Variants in SHPRH observed in about 807,000 individuals in gnomAD.
The protein encoded by SHPRH is E3 ubiquitin-protein ligase SHPRH.
In SHPRH, 106 loss-of-function variants were observed where a neutral mutation model predicts 202.5. That is an observed-to-expected ratio of 0.52 (90% CI 0.45 to 0.62). The LOEUF (loss-of-function observed/expected upper bound fraction) is 0.62. Among genes scored for constraint, SHPRH ranks in the 20% least tolerant of loss-of-function variants. SHPRH has a pLI of 0.00. For missense variants in SHPRH, 1,710 were observed against 2,020.0 expected (o/e 0.85, Z 2.94); for synonymous variants, 729 against 686.0 (o/e 1.06, Z -0.98).
chr6:145,869,819 C>CTTT (rs71028375), intron 2 of SHPRH, among the ~76,000 whole-genome samples: 8 of 134,580 alleles, frequency 5.9e-5, no homozygotes, highest in Admixed American at 1.5e-4. Context: ...TTTTTCTTTT[C>CTTT]TTTTTTTTTT....
In SHPRH at chr6:145,952,490, T is replaced by G. The variant is rs1162039604; in HGVS notation, c.634-12A>C. ...AGATAAATTCCAACCTAAAAACAAT[T>G]AATCAAAATAAAAGTAGTTTCATTT... On this transcript the variant is annotated splice_polypyrimidine_tract_variant and intron_variant, in intron 2 of 29. Coordinates refer to ENST00000275233, the MANE Select transcript of SHPRH (RefSeq NM_001042683.3). 6.3e-7 allele frequency: 1 copy of G among 1,594,266 alleles called. No individual in the cohort carries two copies. The highest frequency in any genetic ancestry group is 8.5e-7 in the Non-Finnish European group (1 of 1,171,426).
At chr6:145,936,550 C>G (rs1178300858) in intron 11 of SHPRH, among the ~76,000 whole-genome samples, 1 of 151,968 alleles carries the variant, frequency 6.6e-6, no homozygotes, top group Non-Finnish European at 1.5e-5. Context: ...TGATCTTGAA[C>G]TCCTGGGCTC....
At chr6:145,914,993 A>T (rs1173121168) in intron 23 of SHPRH, among the ~76,000 whole-genome samples, 2 of 151,706 alleles carry the variant, frequency 1.3e-5, no homozygotes, top group East Asian at 3.9e-4. Context: ...AATGTTCAAT[A>T]TCCTTACGGA....
intron 18 of SHPRH, 113 bp from the exon 19 acceptor site, chr6:145,922,949 T>TG (rs929181746): frequency 1.5e-4 from 192 of 1,278,490 alleles, no homozygotes; most frequent in Non-Finnish European, 1.8e-4. Context: ...TTTGCTGTTT[T>TG]TTTTTTTTTT....
intron 2 of SHPRH, among the ~76,000 whole-genome samples, chr6:145,878,395 C>T (rs1400993134): frequency 1.3e-5 from 2 of 152,124 alleles, no homozygotes; most frequent in South Asian, 2.1e-4. Flanking sequence ...TATATCCACC[C>T]GTGTAGTAGC....
intron 2 of SHPRH, among the ~76,000 whole-genome samples, chr6:145,869,490 T>A (rs545282883): frequency 6.6e-6 from 1 of 152,342 alleles, no homozygotes; most frequent in African/African-American, 2.4e-5. Context: ...TTTAAGCCTG[T>A]GATTCATTTT....
At chr6:145,912,898 C>G (rs1300125850) in intron 24 of SHPRH, among the ~76,000 whole-genome samples, 1 of 151,920 alleles carries the variant, frequency 6.6e-6, no homozygotes, top group African/African-American at 2.4e-5. Context: ...CTTGTATTTT[C>G]ATAAATTGCA....
At position 145,955,129 on chromosome 6, in the gene SHPRH, A is replaced by C; in HGVS notation, c.194T>G (p.Val65Gly). The change falls in exon 2 of 30, where the codon GTG becomes GGG. Residue 65 changes from valine to glycine, a missense_variant. By Grantham distance (109) the Val-to-Gly change is moderately radical (BLOSUM62 -3). This residue lies in a region of SHPRH where 459 missense variants were observed against 426.5 expected (regional missense o/e 1.08). Coordinates refer to ENST00000275233, the MANE Select transcript of SHPRH (RefSeq NM_001042683.3). ...ACACCTCTTCTTATCTCTGTGAGCC[A>C]CTTCTTCCTTTAGACTATCACTTAG... ...IILSDSLKEE[V>G]AHRDKKRCSK... The C allele has an allele frequency of 6.2e-7, 1 of 1,613,758 alleles. No individual in the cohort carries two copies. Among genetic ancestry groups the C allele is most frequent in the East Asian group, 2.2e-5 (1 of 44,884 alleles).
rs562426285 is a variant in SHPRH, at chr6:145,906,619, A to G, written c.4515+3829T>C. ...CACTGGAGACTAAACATGCTCAAGA[A>G]TCTTTTGTCTTAAACAGAACAACAA... On this transcript the variant is annotated intron_variant, in intron 25 of 29. Transcript: ENST00000275233. The G allele has an allele frequency of 6.6e-5, 10 of 152,202 alleles. No individual in the cohort carries two copies. The East Asian group carries it at 1.6e-3, about 24-fold the overall frequency. The allele number at this position is 152,202 out of a possible 1,614,324, so 9.4% of individuals were successfully genotyped here. A position where few individuals can be genotyped will look rare whatever the true frequency, so the allele number is the denominator to read the frequency against.
At chr6:145,937,666 C>T (rs1372660175) in intron 11 of SHPRH, among the ~76,000 whole-genome samples, 2 of 152,128 alleles carry the variant, frequency 1.3e-5, no homozygotes, top group East Asian at 1.9e-4. Flanking sequence ...AAATAACATC[C>T]TCCATGGTCC....
At chr6:145,950,603 G>A in intron 3 of SHPRH, 121 bp from the exon 4 acceptor site, 1 of 772,736 alleles carries the variant, frequency 1.3e-6, no homozygotes, top group Non-Finnish European at 2.1e-6. Flanking sequence ...AGTGTGTTTT[G>A]TCACTGAAAG....
chr6:145,947,760 A>G (rs970698340), intron 5 of SHPRH, 117 bp from the exon 6 acceptor site: 35 of 1,283,752 alleles, frequency 2.7e-5, no homozygotes, highest in East Asian at 5.1e-5. Flanking sequence ...GTTTATTGAA[A>G]CTATATTTTA....
chr6:145,949,015 A>G (rs1787698646), intron 4 of SHPRH, among the ~76,000 whole-genome samples: 2 of 152,160 alleles, frequency 1.3e-5, no homozygotes, highest in African/African-American at 2.4e-5. Flanking sequence ...TAGATATTTT[A>G]TATTTTTATA....
At chr6:145,900,416 T>C (rs577497073) in intron 25 of SHPRH, among the ~76,000 whole-genome samples, 1 of 152,240 alleles carries the variant, frequency 6.6e-6, no homozygotes, top group African/African-American at 2.4e-5. Flanking sequence ...AGACAGATAC[T>C]GCATGATCTC....
intron 21 of SHPRH, 25 bp downstream of exon 21, chr6:145,921,142 G>T (rs761172288): frequency 4.5e-6 from 7 of 1,568,782 alleles, no homozygotes; most frequent in Non-Finnish European, 1.7e-6. Flanking sequence ...TTTTAATTTT[G>T]GAAGGAAGTT....
intron 2 of SHPRH, among the ~76,000 whole-genome samples, chr6:145,875,545 A>G (rs1583267507): frequency 6.6e-6 from 1 of 152,148 alleles, no homozygotes; most frequent in East Asian, 1.9e-4. Flanking sequence ...GAACAGGGAG[A>G]ATGTAGTACT....
chr6:145,913,806 A>G (rs1783706057), intron 23 of SHPRH, among the ~76,000 whole-genome samples: 1 of 152,132 alleles, frequency 6.6e-6, no homozygotes, highest in Non-Finnish European at 1.5e-5. Flanking sequence ...CTAATCCAAA[A>G]TCTGAAATCT....
At chr6:145,926,334 T>G in intron 15 of SHPRH, 38 bp from the exon 16 acceptor site, 1 of 1,550,648 alleles carries the variant, frequency 6.4e-7, no homozygotes, top group Non-Finnish European at 8.9e-7. Flanking sequence ...TGACAGTCAA[T>G]GCAGAAGACT....
At chr6:145,906,588 T>G (rs997257709) in intron 25 of SHPRH, 1 of 152,114 alleles carries the variant, frequency 6.6e-6, no homozygotes, top group East Asian at 1.9e-4. Context: ...CAGTCTATCC[T>G]TTTTTCACTG....
Sources: gnomAD v4.1 joint callset for allele counts (sites outside exome capture counted in the v4.1 genomes callset) on GRCh38, gnomAD v4.1.1 for gene constraint, gnomAD v4.1.1 regional missense constraint, MANE v1.5 for transcripts, NCBI Gene and HGNC (gene_info 2026-07-23, HGNC 2026-07-21) for gene names.